The following TRIM13 variants were observed in gnomAD, a reference collection of about 807,000 sequenced individuals.
The protein encoded by TRIM13 is tripartite motif containing 13, also known as E3 ubiquitin-protein ligase TRIM13.
Under a neutral mutation model 27.1 loss-of-function variants are expected in TRIM13, and 15 were observed. The observed-to-expected ratio is 0.55, with a 90% CI of 0.37 to 0.85. The LOEUF (loss-of-function observed/expected upper bound fraction) is 0.85, where lower values mean the gene tolerates loss of function less well. Ranked by LOEUF, TRIM13 falls within the 40% of genes least tolerant of loss-of-function variation. The pLI is 0.00. For missense variants in TRIM13, 402 were observed against 472.2 expected, an observed-to-expected ratio of 0.85 and a Z score of 1.38; for synonymous variants, 193 against 171.5, an observed-to-expected ratio of 1.13 and a Z score of -0.98.
rs879913765 is a variant in TRIM13 at position 50,014,512 on chromosome 13, A to G, written c.*1348A>G. On this transcript the variant is annotated 3_prime_UTR_variant, in exon 2 of 2. Coordinates refer to ENST00000378182, the MANE Select transcript of TRIM13 (RefSeq NM_213590.3). Reference sequence around the variant, plus strand: ...AAGATGGCAAGTGTACAACCAAACCAATCCACTTGCTTACAGAAAGAATGT... The same window carrying G: ...AAGATGGCAAGTGTACAACCAAACCGATCCACTTGCTTACAGAAAGAATGT... The G allele has an allele frequency of 6.0e-6, 1 of 166,212 alleles. No individual in the cohort carries two copies. The highest frequency in any genetic ancestry group is 6.6e-5 in the Admixed American group (1 of 15,136). The allele number at this position is 166,212 out of a possible 1,614,324, so 10.3% of individuals were successfully genotyped here.
chr13:50,011,952 T>G lies in TRIM13; in HGVS notation c.12T>G (p.Leu4=). 4 of 1,609,708 alleles carry G rather than the reference T, an allele frequency of 2.5e-6. No homozygotes were observed. The highest frequency in any genetic ancestry group is 3.4e-6 in the Non-Finnish European group (4 of 1,177,494). ...TCTGGTAGGATGTGATGGAGCTGCT[T>G]GAAGAAGATCTCACATGCCCTATTT... MEL[L]EEDLTCPICC... The change falls in exon 2 of 2, where the codon CTT becomes CTG. Residue 4 remains leucine (L), a synonymous_variant. Transcript: ENST00000378182.
At position 50,017,449 on chromosome 13, in the gene TRIM13, T is replaced by C. The variant is rs1004522000; in HGVS notation, c.*4285T>C. 2.3e-4 allele frequency: 39 copies of C among 167,248 alleles called. No individual in the cohort carries two copies. Among genetic ancestry groups the C allele is most frequent in the African/African-American group, 8.9e-4 (37 of 41,608 alleles). 10.4% of individuals were successfully genotyped at this position (167,248 alleles called of 1,614,324 possible). ...GTTCCTGTGTGTACACAGTGCCAAA[T>C]GGTTTTCCCTTTTTATGTTGTGTTT... On this transcript the variant is annotated 3_prime_UTR_variant, in exon 2 of 2. Coordinates refer to ENST00000378182, the MANE Select transcript of TRIM13 (RefSeq NM_213590.3).
At position 50,012,199 on chromosome 13, in the gene TRIM13, A is replaced by G. The variant is rs1875747143; in HGVS notation, c.259A>G (p.Ile87Val). The G allele has an allele frequency of 1.2e-6, 2 of 1,614,028 alleles. No homozygotes were observed. The highest frequency in any genetic ancestry group is 1.3e-5 in the African/African-American group (1 of 74,926). The change falls in exon 2 of 2, where the codon ATC becomes GTC. Residue 87 changes from isoleucine to valine, a missense_variant. By Grantham distance (29) the Ile-to-Val change is conservative. Transcript: ENST00000378182. ...TGTGGAAAAGTATAACAAGATCAAG[A>G]TCTCTCCCAAAATGCCAGTATGCAA... ...GIVEKYNKIK[I>V]SPKMPVCKGH... is the part of the protein sequence containing the mutation.
rs1875841296 is a variant in TRIM13 at position 50,012,947 on chromosome 13, TAGAA to T, written c.1008_1011del (p.Glu337GlyfsTer21). 1 of 1,613,838 alleles carries T rather than the reference TAGAA, an allele frequency of 6.2e-7. No individual in the cohort carries two copies. The highest frequency in any genetic ancestry group is 1.3e-5 in the African/African-American group (1 of 74,898). The stretch of plus-strand genomic sequence containing the variant: ...ATTGTCTTTGGTCCTACCATGTTCC[TAGAA>T]TGGTCATTATTTGATGACCTGGCAA... On this transcript the variant is annotated frameshift_variant, in exon 2 of 2. Transcript: ENST00000378182. LOFTEE classifies it high-confidence loss of function.
At position 50,015,956 on chromosome 13, in the gene TRIM13, A is replaced by G. The variant is rs1876496892; in HGVS notation, c.*2792A>G. 1 of 1,614,008 alleles carries G rather than the reference A, an allele frequency of 6.2e-7. No individual in the cohort carries two copies. Among genetic ancestry groups the G allele is most frequent in the Admixed American group, 1.7e-5 (1 of 60,002 alleles). ...ACCTTCAGCGCCGACCTGGAATGGT[A>G]ACTTTTTCCCTCCTCAGATGACCTT... On this transcript the variant is annotated 3_prime_UTR_variant, in exon 2 of 2. Coordinates refer to ENST00000378182, the MANE Select transcript of TRIM13 (RefSeq NM_213590.3).
chr13:49,998,669 C>T (rs1873584671), intron 1 of TRIM13, among the ~76,000 whole-genome samples: 1 of 151,912 alleles, frequency 6.6e-6, no homozygotes, highest in African/African-American at 2.4e-5. Context: ...TAAAAAGCAG[C>T]TCCTGGCCGG....
At chr13:50,007,782 C>CAAAAAAA (rs34741583) in intron 1 of TRIM13, among the ~76,000 whole-genome samples, 15 of 127,794 alleles carry the variant, frequency 1.2e-4, no homozygotes, top group South Asian at 2.6e-4. Context: ...GACTTAGTCT[C>CAAAAAAA]AAAAAAAAAA....
In TRIM13 at chr13:50,015,686, T is replaced by C; in HGVS notation, c.*2522T>C. ...TTTGTTTAGTTTCATCTTAGATTTTTTGAGAACTCACCAGCTTTTATTACC... is the reference window on the plus strand; with the variant it reads ...TTTGTTTAGTTTCATCTTAGATTTTCTGAGAACTCACCAGCTTTTATTACC... On this transcript the variant is annotated 3_prime_UTR_variant, in exon 2 of 2. Coordinates refer to ENST00000378182, the MANE Select transcript of TRIM13 (RefSeq NM_213590.3). 1 of 1,614,178 alleles carries C rather than the reference T, an allele frequency of 6.2e-7. No individual in the cohort carries two copies. The highest frequency in any genetic ancestry group is 1.1e-5 in the South Asian group (1 of 91,082).
chr13:50,009,329 T>TG (rs1875243800), intron 1 of TRIM13, among the ~76,000 whole-genome samples: 2 of 152,140 alleles, frequency 1.3e-5, no homozygotes, highest in Admixed American at 1.3e-4. Context: ...CGAAGAAGGC[T>TG]GGGTGTGGTG....
chr13:50,005,840 C>T (rs1874637481), intron 1 of TRIM13, among the ~76,000 whole-genome samples: 2 of 150,594 alleles, frequency 1.3e-5, no homozygotes, highest in African/African-American at 4.9e-5. Context: ...GCCTCTGCCT[C>T]CTGAGTAGCT....
At chr13:49,999,865 C>G (rs1013299523) in intron 1 of TRIM13, among the ~76,000 whole-genome samples, 4 of 152,116 alleles carry the variant, frequency 2.6e-5, no homozygotes, top group African/African-American at 9.7e-5. Flanking sequence ...ATACTGAGTT[C>G]TTGAGTCCCT....
intron 1 of TRIM13, chr13:50,001,178 C>T (rs565033492): frequency 8.6e-5 from 13 of 151,534 alleles, no homozygotes; most frequent in African/African-American, 2.7e-4. Context: ...GTAATACCAG[C>T]TACTTGGGAG....
intron 1 of TRIM13, among the ~76,000 whole-genome samples, chr13:50,006,446 C>T (rs562862941): frequency 2.0e-5 from 3 of 152,262 alleles, no homozygotes; most frequent in East Asian, 1.9e-4. Flanking sequence ...GAAGTATTAA[C>T]ATTGCAAGGA....
At chr13:50,007,335 A>G (rs1874866502) in intron 1 of TRIM13, among the ~76,000 whole-genome samples, 1 of 149,710 alleles carries the variant, frequency 6.7e-6, no homozygotes, top group African/African-American at 2.5e-5. Context: ...TTAAAAATAC[A>G]ACAAAATTAG....
chr13:50,005,481 C>G (rs1874568222), intron 1 of TRIM13, among the ~76,000 whole-genome samples: 1 of 151,876 alleles, frequency 6.6e-6, no homozygotes, highest in Non-Finnish European at 1.5e-5. Flanking sequence ...CGAGATCAGC[C>G]TGGCCAACAT....
chr13:49,998,880 A>G (rs1240242885), intron 1 of TRIM13, among the ~76,000 whole-genome samples: 1 of 151,510 alleles, frequency 6.6e-6, no homozygotes. Flanking sequence ...CAGTGAGCCA[A>G]GATCGCGCCA....
chr13:50,007,975 G>C (rs545119732), intron 1 of TRIM13, among the ~76,000 whole-genome samples: 1 of 151,768 alleles, frequency 6.6e-6, no homozygotes, highest in South Asian at 2.1e-4. Context: ...CGCTGTCTCG[G>C]CTAACTGCAA....
chr13:50,006,167 C>G (rs537559294), intron 1 of TRIM13, among the ~76,000 whole-genome samples: 2 of 151,756 alleles, frequency 1.3e-5, no homozygotes, highest in African/African-American at 4.8e-5. Context: ...ATTTTTTCCC[C>G]TCTGGTTCAT....
chr13:50,008,556 T>C (rs764523808), intron 1 of TRIM13, among the ~76,000 whole-genome samples: 1 of 152,044 alleles, frequency 6.6e-6, no homozygotes, highest in Non-Finnish European at 1.5e-5. Context: ...GAGGATTGCT[T>C]GAGCCCAGAA....
Sources: gnomAD v4.1 joint callset for allele counts (sites outside exome capture counted in the v4.1 genomes callset) on GRCh38, gnomAD v4.1.1 for gene constraint, MANE v1.5 for transcripts, NCBI Gene and HGNC (gene_info 2026-07-23, HGNC 2026-07-21) for gene names.